Variants in EPHB1 observed in about 807,000 individuals in gnomAD.
EPHB1 encodes the protein EPH receptor B1.
Under a neutral mutation model 94.4 loss-of-function variants are expected in EPHB1, and 30 were observed. The ratio of observed to expected loss-of-function variants is 0.32; its 90% CI spans 0.24 to 0.43. The LOEUF is 0.43. Ranked by LOEUF, EPHB1 falls within the 20% of genes least tolerant of loss-of-function variation. The probability of loss-of-function intolerance (pLI) is 1.00; values close to 1 mark genes in which losing one functional copy is unlikely to be tolerated. For missense variants in EPHB1, 1,055 were observed against 1,308.3 expected (o/e 0.81, Z 2.99); for synonymous variants, 522 against 489.1 (o/e 1.07, Z -0.89).
At chr3:134,889,277 A>C (rs73217029) in intron 1 of EPHB1, among the ~76,000 whole-genome samples, 9,559 of 152,178 alleles carry the variant, frequency 0.063, 338 homozygotes, top group South Asian at 0.15. Flanking sequence ...AAACCAAGAA[A>C]GTATCTCTTT....
intron 1 of EPHB1, among the ~76,000 whole-genome samples, chr3:134,816,809 G>A (rs2036282155): frequency 6.6e-6 from 1 of 151,972 alleles, no homozygotes; most frequent in African/African-American, 2.4e-5. Flanking sequence ...GTGCTGGGGC[G>A]ATGTTCAGTA....
At chr3:134,822,311 A>C (rs1246845650) in intron 1 of EPHB1, among the ~76,000 whole-genome samples, 3 of 151,888 alleles carry the variant, frequency 2.0e-5, no homozygotes, top group Admixed American at 1.3e-4. Flanking sequence ...CAAACTCCAC[A>C]CACCACTCCC....
At chr3:134,899,431 G>A (rs542699301) in intron 1 of EPHB1, among the ~76,000 whole-genome samples, 17 of 152,188 alleles carry the variant, frequency 1.1e-4, no homozygotes, top group African/African-American at 3.1e-4. Flanking sequence ...CAGTGCCTTC[G>A]CCCTGCTGTT....
intron 3 of EPHB1, among the ~76,000 whole-genome samples, chr3:135,061,608 T>A (rs935473575): frequency 2.6e-5 from 4 of 151,878 alleles, no homozygotes; most frequent in African/African-American, 4.8e-5. Context: ...CTTTTTTTTT[T>A]AATTATACTT....
intron 13 of EPHB1, among the ~76,000 whole-genome samples, chr3:135,245,548 C>T (rs953307858): frequency 6.0e-5 from 9 of 149,954 alleles, no homozygotes; most frequent in Non-Finnish European, 1.2e-4. Flanking sequence ...CGGCCCGTGC[C>T]TGTAATCCCA....
intron 6 of EPHB1, among the ~76,000 whole-genome samples, chr3:135,161,260 A>G (rs77565715): frequency 0.033 from 4,993 of 152,244 alleles, 256 homozygotes; most frequent in African/African-American, 0.11. Context: ...TCAGCACAGA[A>G]AGTGCTGGAG....
chr3:135,060,539 A>G (rs1209817966), intron 3 of EPHB1, among the ~76,000 whole-genome samples: 1 of 152,158 alleles, frequency 6.6e-6, no homozygotes, highest in Admixed American at 6.5e-5. Context: ...TTTGGTATAT[A>G]CCTAGGATTG....
chr3:135,062,398 G>T (rs1937525776), intron 3 of EPHB1, among the ~76,000 whole-genome samples: 1 of 152,132 alleles, frequency 6.6e-6, no homozygotes, highest in South Asian at 2.1e-4. Flanking sequence ...CAGGAGTAAA[G>T]TGGTGTTGCA....
At chr3:134,986,742 A>ACACACACACG (rs1934614018) in intron 3 of EPHB1, among the ~76,000 whole-genome samples, 1 of 151,674 alleles carries the variant, frequency 6.6e-6, no homozygotes, top group South Asian at 2.1e-4. Flanking sequence ...ACACACACAC[A>ACACACACACG]CATCCCAAAC....
rs113027496 is a variant in EPHB1, at chr3:134,821,443, A to G, written c.58+25754A>G. On this transcript the variant is annotated intron_variant, in intron 1 of 15. Coordinates refer to ENST00000398015, the MANE Select transcript of EPHB1 (RefSeq NM_004441.5). The stretch of plus-strand genomic sequence containing the variant: ...AATAAAAATGATAGTAAAATGGTAA[A>G]AAAAAAAAATACCCAGGCAATTAAT... Among the ~76,000 whole-genome samples the G allele has an allele frequency of 9.0e-3, 1,338 of 149,310 alleles. 17 individuals carry two copies. Among genetic ancestry groups the G allele is most frequent in the African/African-American group, 0.032 (1,245 of 38,838 alleles).
At position 134,882,739 on chromosome 3, in the gene EPHB1, C is replaced by T. The variant is rs1350757831; in HGVS notation, c.59-43077C>T. Among the ~76,000 whole-genome samples, 55 of 110,186 alleles carry T rather than the reference C, an allele frequency of 5.0e-4. 1 individual carries two copies. Among genetic ancestry groups the T allele is most frequent in the African/African-American group, 1.3e-3 (35 of 27,912 alleles). The allele number at this position is 110,186 out of a possible 152,430, so 72.3% of individuals were successfully genotyped here. ...TCTTTCCTTCTTCTTTCCTTCTTTC[C>T]TTCTTTCTTCCTTTCTTCCTTCCTT... is the stretch of plus-strand genomic sequence containing the variant. On this transcript the variant is annotated intron_variant, in intron 1 of 15. Coordinates refer to ENST00000398015, the MANE Select transcript of EPHB1 (RefSeq NM_004441.5).
In EPHB1 at chr3:134,951,322, C is replaced by A; in HGVS notation, c.124-49C>A. On this transcript the variant is annotated intron_variant, in intron 2 of 15. Coordinates refer to ENST00000398015, the MANE Select transcript of EPHB1 (RefSeq NM_004441.5). The surrounding 1 kb of genome is among the most constrained non-coding windows in gnomAD (Gnocchi z 4.5). ...CTATGCCTATTTTTGTATTCTCACT[C>A]TCTATTTTGTGTTTTTGCATGTGTG... 1.4e-6 allele frequency: 2 copies of A among 1,474,154 alleles called. No individual in the cohort carries two copies. The highest frequency in any genetic ancestry group is 1.4e-5 in the African/African-American group (1 of 71,040). The allele number at this position is 1,474,154 out of a possible 1,614,324, so 91.3% of individuals were successfully genotyped here.
intron 12 of EPHB1, among the ~76,000 whole-genome samples, chr3:135,235,298 C>G (rs769548104): frequency 6.6e-6 from 1 of 152,200 alleles, no homozygotes; most frequent in Non-Finnish European, 1.5e-5. Flanking sequence ...CAATCCATGA[C>G]TTATGTCGGA....
chr3:135,010,967 A>G (rs1935600641), intron 3 of EPHB1, among the ~76,000 whole-genome samples: 1 of 152,156 alleles, frequency 6.6e-6, no homozygotes, highest in African/African-American at 2.4e-5. Flanking sequence ...GGTTTATGTT[A>G]CTTTTTGTTT....
intron 5 of EPHB1, among the ~76,000 whole-genome samples, chr3:135,148,592 G>A (rs192963422): frequency 3.3e-5 from 5 of 152,308 alleles, no homozygotes; most frequent in East Asian, 1.9e-4. Context: ...TTTGTTCCAC[G>A]TCATCTGTGA....
intron 3 of EPHB1, among the ~76,000 whole-genome samples, chr3:135,059,696 A>G (rs1209397581): frequency 6.6e-6 from 1 of 152,146 alleles, no homozygotes; most frequent in African/African-American, 2.4e-5. Flanking sequence ...GATTATTTGG[A>G]CACAACAAAG....
At chr3:135,049,739 A>G (rs1937112442) in intron 3 of EPHB1, among the ~76,000 whole-genome samples, 1 of 152,218 alleles carries the variant, frequency 6.6e-6, no homozygotes. Flanking sequence ...ACCTCTTTAT[A>G]ATATGTGATC....
chr3:134,936,840 C>G (rs2039013308), intron 2 of EPHB1, among the ~76,000 whole-genome samples: 1 of 152,158 alleles, frequency 6.6e-6, no homozygotes, highest in South Asian at 2.1e-4. Flanking sequence ...CCTTTAGGTG[C>G]AAACAGTTCA....
At position 134,846,412 on chromosome 3, in the gene EPHB1, C is replaced by T. The variant is rs564026421; in HGVS notation, c.58+50723C>T. On this transcript the variant is annotated intron_variant, in intron 1 of 15. Transcript: ENST00000398015. ...CAGGTTGCCCATAATGCTGCCTTTG[C>T]GATACCTTCCAAGCCTTGCATTATT... is the stretch of plus-strand genomic sequence containing the variant. 7.9e-5 allele frequency among the ~76,000 whole-genome samples: 12 copies of T among 152,254 alleles called. No individual in the cohort carries two copies. In the South Asian group the frequency reaches 1.2e-3, roughly 16 times the overall value.
Sources: gnomAD v4.1 joint callset for allele counts (sites outside exome capture counted in the v4.1 genomes callset) on GRCh38, gnomAD v4.1.1 for gene constraint, Gnocchi (gnomAD v3.1) non-coding constraint, MANE v1.5 for transcripts, NCBI Gene and HGNC (gene_info 2026-07-23, HGNC 2026-07-21) for gene names.